TTC39B: variants seen among roughly 807,000 people sequenced by gnomAD.
TTC39B encodes the protein tetratricopeptide repeat protein 39B.
Under a neutral mutation model 96.6 loss-of-function variants are expected in TTC39B, and 92 were observed. The ratio of observed to expected loss-of-function variants is 0.95; its 90% CI spans 0.80 to 1.13. TTC39B has a LOEUF of 1.13. TTC39B is among the 50% of genes most tolerant of loss of function. The probability of loss-of-function intolerance (pLI) is 0.00; values close to 1 mark genes in which losing one functional copy is unlikely to be tolerated. For synonymous variants in TTC39B, 367 were observed against 299.4 expected, an observed-to-expected ratio of 1.23 and a Z score of -2.33; for missense variants, 955 against 809.3, an observed-to-expected ratio of 1.18 and a Z score of -2.18.
chr9:15,200,002 G>A, intron 7 of TTC39B, 77 bp from the exon 8 acceptor site: 1 of 764,792 alleles, frequency 1.3e-6, no homozygotes. Context: ...GTGTTTGTGT[G>A]ATTAGAAAAA....
chr9:15,239,437 A>C (rs1821936610), intron 2 of TTC39B, among the ~76,000 whole-genome samples: 1 of 152,238 alleles, frequency 6.6e-6, no homozygotes, highest in Admixed American at 6.5e-5. Context: ...AGGAAAAGAA[A>C]TCATTATATA....
At chr9:15,201,879 G>T (rs1819562412) in intron 7 of TTC39B, among the ~76,000 whole-genome samples, 1 of 152,192 alleles carries the variant, frequency 6.6e-6, no homozygotes, top group African/African-American at 2.4e-5. Flanking sequence ...ACTGAATGCT[G>T]AAGCAGAGAA....
chr9:15,210,106 G>C lies in TTC39B; in HGVS notation c.673C>G (p.Leu225Val), dbSNP rs1422980803. ...CTTTTACCTTCACTCAGTTGCTCCA[G>C]GGATCCTCTAGAAAGAAGACTTGAG... Residue 225 changes from leucine (L) to valine (V), a missense_variant, in exon 6 of 20, where the codon CTG (leucine) becomes GTG (valine). Physicochemically the swap from Leu to Val is conservative, Grantham distance 32. Coordinates refer to ENST00000512701, the Ensembl canonical transcript of TTC39B. The C allele has an allele frequency of 3.1e-6, 5 of 1,607,072 alleles. No individual in the cohort carries two copies. The African/African-American group carries it at 4.0e-5, about 13-fold the overall frequency.
chr9:15,260,028 A>G (rs1350961600), intron 2 of TTC39B, among the ~76,000 whole-genome samples: 31 of 152,160 alleles, frequency 2.0e-4, no homozygotes, highest in Admixed American at 2.0e-3. Context: ...TGGCTCTATA[A>G]TTCTGTAAAT....
chr9:15,271,935 C>T (rs7870745), intron 1 of TTC39B, among the ~76,000 whole-genome samples: 7,616 of 152,204 alleles, frequency 0.05, 210 homozygotes, highest in East Asian at 0.073. Context: ...GATGGCCAAC[C>T]GCTCTCTCCC....
exon 20 of TTC39B, chr9:15,164,613 A>G (rs941832387): frequency 8.5e-5 from 13 of 152,222 alleles, no homozygotes. Context: ...TTGCCTTTAC[A>G]TTTGATTTAG....
intron 1 of TTC39B, among the ~76,000 whole-genome samples, chr9:15,295,100 A>T (rs1824325454): frequency 6.6e-6 from 1 of 152,182 alleles, no homozygotes; most frequent in Non-Finnish European, 1.5e-5. Context: ...AAGCACATTT[A>T]ATTCATAAGG....
At chr9:15,185,428 C>A (rs1279215097) in intron 15 of TTC39B, 22 bp from the exon 16 acceptor site, 3 of 1,612,188 alleles carry the variant, frequency 1.9e-6, no homozygotes, top group Admixed American at 3.3e-5. Flanking sequence ...CCCAGCCCAG[C>A]CCCAGAGAAA....
At chr9:15,269,432 G>C (rs1382928320) in intron 1 of TTC39B, among the ~76,000 whole-genome samples, 2 of 152,204 alleles carry the variant, frequency 1.3e-5, no homozygotes, top group Non-Finnish European at 2.9e-5. Flanking sequence ...ACCTCATTTA[G>C]AGTTATGCAC....
chr9:15,296,276 C>T (rs1239316192), intron 1 of TTC39B, among the ~76,000 whole-genome samples: 1 of 152,162 alleles, frequency 6.6e-6, no homozygotes, highest in African/African-American at 2.4e-5. Context: ...TGTGAAATTA[C>T]CCAAGTGCCT....
At chr9:15,278,161 G>A (rs1823618698) in intron 1 of TTC39B, among the ~76,000 whole-genome samples, 1 of 152,184 alleles carries the variant, frequency 6.6e-6, no homozygotes, top group Non-Finnish European at 1.5e-5. Flanking sequence ...GAGTTGAGCT[G>A]CAGCTTAAGG....
intron 2 of TTC39B, among the ~76,000 whole-genome samples, chr9:15,253,246 G>A (rs970635933): frequency 1.3e-5 from 2 of 152,174 alleles, no homozygotes; most frequent in Non-Finnish European, 2.9e-5. Flanking sequence ...ATTTGAGTGG[G>A]CCCTAAAGGC....
chr9:15,214,536 A>G (rs1438806543), intron 3 of TTC39B, among the ~76,000 whole-genome samples: 1 of 152,238 alleles, frequency 6.6e-6, no homozygotes, highest in African/African-American at 2.4e-5. Flanking sequence ...GGTAACTAAT[A>G]GCAGTGCAAA....
At chr9:15,298,225 G>A (rs35475135) in intron 1 of TTC39B, among the ~76,000 whole-genome samples, 3,236 of 152,214 alleles carry the variant, frequency 0.021, 43 homozygotes, top group Non-Finnish European at 0.034. Context: ...TTCATCCTCA[G>A]ACTGAGTTAT....
At chr9:15,190,422 C>T (rs564374625) in intron 11 of TTC39B, 132 bp downstream of exon 11, 48 of 690,760 alleles carry the variant, frequency 6.9e-5, no homozygotes, top group South Asian at 5.2e-4. Context: ...CATAGCTCAC[C>T]GCAGCCTCAA....
chr9:15,303,028 C>G (rs1351549655), intron 1 of TTC39B, among the ~76,000 whole-genome samples: 1 of 151,770 alleles, frequency 6.6e-6, no homozygotes, highest in Non-Finnish European at 1.5e-5. Flanking sequence ...ATTAGCTGGA[C>G]GTGGTGGCAC....
intron 8 of TTC39B, among the ~76,000 whole-genome samples, chr9:15,198,464 ATATATATAT>A (rs1564335731): frequency 0.012 from 1,194 of 98,394 alleles, 18 homozygotes; most frequent in African/African-American, 0.043. Flanking sequence ...TCGCAAAAAT[ATATATATAT>A]ATATATATAT....
chr9:15,192,629 A>G, exon 9 of TTC39B: 1 of 1,614,126 alleles, frequency 6.2e-7, no homozygotes, highest in Non-Finnish European at 8.5e-7. Flanking sequence ...CACCCCCTTC[A>G]AACTCATAGA....
chr9:15,188,745 T>C (rs10810360), intron 13 of TTC39B, among the ~76,000 whole-genome samples: 37,194 of 152,140 alleles, frequency 0.24, 5,226 homozygotes, highest in Middle Eastern at 0.34. Flanking sequence ...TTTTTATATG[T>C]TTACTGGAGT....
Sources: gnomAD v4.1 joint callset for allele counts (sites outside exome capture counted in the v4.1 genomes callset) on GRCh38, gnomAD v4.1.1 for gene constraint, MANE v1.5 for transcripts, NCBI Gene and HGNC (gene_info 2026-07-23, HGNC 2026-07-21) for gene names.